The following SCD5 variants were observed in gnomAD, a reference collection of about 807,000 sequenced individuals.
SCD5 encodes stearoyl-CoA desaturase 5.
A neutral mutation model predicts 30.4 loss-of-function variants in SCD5; 20 were observed. The observed-to-expected ratio is 0.66, with a 90% CI of 0.46 to 0.96. SCD5 has a LOEUF of 0.96. SCD5 is among the 40% of genes least tolerant of loss of function. SCD5 has a pLI of 0.00. For synonymous variants in SCD5, 173 were observed against 176.4 expected (o/e 0.98, Z 0.16); for missense variants, 381 against 443.3 (o/e 0.86, Z 1.26).
At chr4:82,763,036 G>A (rs1457868599) in intron 1 of SCD5, among the ~76,000 whole-genome samples, 2 of 152,140 alleles carry the variant, frequency 1.3e-5, no homozygotes, top group African/African-American at 4.8e-5. Flanking sequence ...ACAGCCTGCT[G>A]CCCAATAATT....
In SCD5 at chr4:82,798,534, G is replaced by T. The variant is rs1193601440; in HGVS notation, c.4C>A (p.Pro2Thr). 3.8e-6 allele frequency: 6 copies of T among 1,584,926 alleles called. No homozygotes were observed. The highest frequency in any genetic ancestry group is 4.3e-6 in the Non-Finnish European group (5 of 1,166,266). The change falls in exon 1 of 5, where the codon CCA becomes ACA. Residue 2 changes from proline (P) to threonine (T), a missense_variant. Coordinates refer to ENST00000319540, the MANE Select transcript of SCD5 (RefSeq NM_001037582.3). ...TTCCCCGCGTCGGTGGCCGGGCCTG[G>T]CATGGCTGGGCGAGGTGGGCGCCCG... The part of the protein sequence containing the change: M[P>T]GPATDAGKIP...
chr4:82,717,720 A>T (rs1171844668), intron 1 of SCD5, among the ~76,000 whole-genome samples: 1 of 151,744 alleles, frequency 6.6e-6, no homozygotes, highest in Admixed American at 6.6e-5. Flanking sequence ...GTTCGAGACC[A>T]GCCTGGCAAA....
chr4:82,774,414 T>C (rs1245652968), intron 1 of SCD5, among the ~76,000 whole-genome samples: 5 of 152,094 alleles, frequency 3.3e-5, no homozygotes, highest in Admixed American at 6.6e-5. Flanking sequence ...GTGAGACAAA[T>C]TGTGCATAGA....
chr4:82,739,927 C>T (rs1031886317), intron 1 of SCD5, among the ~76,000 whole-genome samples: 2 of 152,144 alleles, frequency 1.3e-5, no homozygotes, highest in African/African-American at 2.4e-5. Context: ...CCATCCCCAC[C>T]GCTTGCTTAT....
chr4:82,732,650 G>C (rs76801987), intron 1 of SCD5, among the ~76,000 whole-genome samples: 1 of 152,214 alleles, frequency 6.6e-6, no homozygotes, highest in East Asian at 1.9e-4. Context: ...GAATAAGCGG[G>C]TTGGGTAATA....
chr4:82,681,252 AAAG>A (rs1728566815), intron 2 of SCD5, among the ~76,000 whole-genome samples: 1 of 152,096 alleles, frequency 6.6e-6, no homozygotes, highest in African/African-American at 2.4e-5. Context: ...TGTCAAGAAA[AAAG>A]AGATCTTTTT....
chr4:82,717,703 G>C (rs1456047555), intron 1 of SCD5, among the ~76,000 whole-genome samples: 3 of 151,670 alleles, frequency 2.0e-5, no homozygotes, highest in African/African-American at 7.3e-5. Context: ...ATCACTTGAG[G>C]TCAGGAGTTC....
intron 1 of SCD5, among the ~76,000 whole-genome samples, chr4:82,769,148 G>T (rs534147576): frequency 6.6e-6 from 1 of 152,202 alleles, no homozygotes; most frequent in African/African-American, 2.4e-5. Flanking sequence ...CATTAGACTG[G>T]TTCTCCTTGA....
At chr4:82,682,886 G>A (rs6838746) in intron 2 of SCD5, among the ~76,000 whole-genome samples, 19,750 of 152,066 alleles carry the variant, frequency 0.13, 1,543 homozygotes, top group East Asian at 0.4. Context: ...TGTGATCTTC[G>A]GTCCCTGAAA....
At chr4:82,670,741 T>C (rs926500236) in intron 3 of SCD5, among the ~76,000 whole-genome samples, 30 of 151,620 alleles carry the variant, frequency 2.0e-4, no homozygotes, top group African/African-American at 7.0e-4. Flanking sequence ...AAATATCAAT[T>C]CCATGTCAAT....
chr4:82,656,989 G>T (rs186262388), intron 3 of SCD5, among the ~76,000 whole-genome samples: 2 of 152,166 alleles, frequency 1.3e-5, no homozygotes, highest in East Asian at 3.9e-4. Context: ...TGTAGATTCT[G>T]GATATTAGCC....
At chr4:82,688,356 G>T (rs957078359) in intron 2 of SCD5, among the ~76,000 whole-genome samples, 1 of 152,096 alleles carries the variant, frequency 6.6e-6, no homozygotes, top group African/African-American at 2.4e-5. Context: ...TCTGGGAAAG[G>T]AGCTGTTCTA....
rs149002120 is a variant in SCD5 at position 82,715,532 on chromosome 4, T to TA, written c.233-10120dup. ...CTCTGGGCCTCAATTTCCTCATTAA[T>TA]AAAAAAAAAATAAGGGTGTCCCAAA... On this transcript the variant is annotated intron_variant, in intron 1 of 4. Transcript: ENST00000319540. Among the ~76,000 whole-genome samples the TA allele has an allele frequency of 1.0e-3, 149 of 147,424 alleles. 2 individuals are homozygous for TA. Among genetic ancestry groups the TA allele is most frequent in the African/African-American group, 1.7e-3 (67 of 39,732 alleles).
chr4:82,794,842 G>A (rs568202102), intron 1 of SCD5, among the ~76,000 whole-genome samples: 64 of 152,038 alleles, frequency 4.2e-4, no homozygotes, highest in African/African-American at 1.2e-3. Flanking sequence ...TAGTAGAGAT[G>A]GGGTTTCACC....
intron 1 of SCD5, among the ~76,000 whole-genome samples, chr4:82,760,531 T>C (rs1280959725): frequency 6.6e-6 from 1 of 151,970 alleles, no homozygotes; most frequent in East Asian, 1.9e-4. Context: ...GAGTAGCTGG[T>C]TCTACACACG....
Position 82,631,342 on chromosome 4 carries a change from T to G in SCD5, c.978A>C (p.Gly326=). ...TGTTCCAAGTTCAAGCACTGCTGTC[T>G]CCAGTCCTGGCCTTCCGGGCCTCGA... ...PMIEARKART[G]DSSA is the part of the protein sequence containing the mutation. The change falls in exon 5 of 5, where the codon GGA becomes GGC. Residue 326 remains glycine, a synonymous_variant. Transcript: ENST00000319540. 1 of 1,613,934 alleles carries G rather than the reference T, an allele frequency of 6.2e-7. No homozygotes were observed. Among genetic ancestry groups the G allele is most frequent in the South Asian group, 1.1e-5 (1 of 91,054 alleles).
At chr4:82,774,416 G>T (rs1189746735) in intron 1 of SCD5, among the ~76,000 whole-genome samples, 2 of 152,146 alleles carry the variant, frequency 1.3e-5, no homozygotes, top group Non-Finnish European at 2.9e-5. Context: ...GAGACAAATT[G>T]TGCATAGAGA....
intron 3 of SCD5, chr4:82,660,709 C>A: frequency 6.9e-7 from 1 of 1,442,180 alleles, no homozygotes; most frequent in African/African-American, 1.4e-5. Context: ...CTCCCCGTAG[C>A]TGCCTCCTTG....
At chr4:82,663,219 T>A (rs1234401891) in intron 3 of SCD5, among the ~76,000 whole-genome samples, 1 of 152,208 alleles carries the variant, frequency 6.6e-6, no homozygotes, top group African/African-American at 2.4e-5. Flanking sequence ...TATGAATGGC[T>A]TCACTTTTGT....
Sources: gnomAD v4.1 joint callset for allele counts (sites outside exome capture counted in the v4.1 genomes callset) on GRCh38, gnomAD v4.1.1 for gene constraint, MANE v1.5 for transcripts, NCBI Gene and HGNC (gene_info 2026-07-23, HGNC 2026-07-21) for gene names.